SGCZ: variants seen among roughly 807,000 people sequenced by gnomAD.
The protein encoded by SGCZ is sarcoglycan zeta.
A neutral mutation model predicts 41.3 loss-of-function variants in SGCZ; 40 were observed. The ratio of observed to expected loss-of-function variants is 0.97; its 90% CI spans 0.75 to 1.26. SGCZ has a LOEUF of 1.26. Ranked by LOEUF, SGCZ falls within the 50% of genes most tolerant of loss-of-function variation. SGCZ has a pLI of 0.00. For missense variants in SGCZ, 552 were observed against 369.8 expected (o/e 1.49, Z -4.04); for synonymous variants, 206 against 137.5 (o/e 1.50, Z -3.49).
At chr8:14,172,668 T>C (rs1318788606) in intron 4 of SGCZ, among the ~76,000 whole-genome samples, 2 of 152,146 alleles carry the variant, frequency 1.3e-5, no homozygotes, top group African/African-American at 2.4e-5. Flanking sequence ...ATTCATTACA[T>C]CGTTTTCCTA....
chr8:14,090,234 T>A lies in SGCZ; in HGVS notation c.*209A>T, dbSNP rs1801644572. ...ATCCAGTTTTCCTGCTGACGACGCT[T>A]TTTCCACTGCTGTGTCAATCACACC... On this transcript the variant is annotated 3_prime_UTR_variant, in exon 8 of 8. Transcript: ENST00000382080. 1 of 426,854 alleles carries A rather than the reference T, an allele frequency of 2.3e-6. No individual in the cohort carries two copies. The highest frequency in any genetic ancestry group is 4.0e-6 in the Non-Finnish European group (1 of 247,228). The allele number at this position is 426,854 out of a possible 1,614,324, so 26.4% of individuals were successfully genotyped here. A position where few individuals can be genotyped will look rare whatever the true frequency, so the allele number is the denominator to read the frequency against.
At chr8:15,164,826 CG>C (rs1799609919) in intron 1 of SGCZ, among the ~76,000 whole-genome samples, 1 of 152,026 alleles carries the variant, frequency 6.6e-6, no homozygotes, top group Non-Finnish European at 1.5e-5. Context: ...TTACATCTTG[CG>C]GGTATGGCTG....
At chr8:14,661,348 G>A (rs1485648327) in intron 1 of SGCZ, among the ~76,000 whole-genome samples, 1 of 151,986 alleles carries the variant, frequency 6.6e-6, no homozygotes, top group African/African-American at 2.4e-5. Flanking sequence ...ACCATTGAAT[G>A]GCCTAGAAAA....
chr8:15,101,429 A>C (rs1438977306), intron 1 of SGCZ, among the ~76,000 whole-genome samples: 2 of 152,198 alleles, frequency 1.3e-5, no homozygotes. Context: ...AAATAGGCAA[A>C]AAACATGAAA....
intron 1 of SGCZ, among the ~76,000 whole-genome samples, chr8:15,005,095 G>T (rs890680467): frequency 6.6e-6 from 1 of 152,110 alleles, no homozygotes; most frequent in Non-Finnish European, 1.5e-5. Flanking sequence ...GGCTTCCTAA[G>T]GGAAAGGAAG....
At chr8:15,237,248 C>T (rs1389394334) in intron 1 of SGCZ, among the ~76,000 whole-genome samples, 1 of 112,958 alleles carries the variant, frequency 8.9e-6, no homozygotes, top group Non-Finnish European at 2.1e-5. Context: ...GAGCTGGTGC[C>T]GCTGCCCCCC....
intron 1 of SGCZ, among the ~76,000 whole-genome samples, chr8:14,933,504 T>A (rs1459952210): frequency 6.8e-6 from 1 of 147,638 alleles, no homozygotes; most frequent in Non-Finnish European, 1.5e-5. Flanking sequence ...CCATCTCTGC[T>A]CACTGCAAGC....
chr8:15,109,166 A>C (rs201356467), intron 1 of SGCZ, among the ~76,000 whole-genome samples: 150 of 152,318 alleles, frequency 9.8e-4, no homozygotes, highest in Non-Finnish European at 1.9e-3. Context: ...ATTTTTCTTG[A>C]TGATGATGGA....
At chr8:14,225,388 A>G (rs1806336836) in intron 4 of SGCZ, among the ~76,000 whole-genome samples, 1 of 152,146 alleles carries the variant, frequency 6.6e-6, no homozygotes, top group South Asian at 2.1e-4. Context: ...AATATGAAAT[A>G]TTAGTGTTGA....
intron 1 of SGCZ, among the ~76,000 whole-genome samples, chr8:15,165,057 C>T (rs1799620917): frequency 6.6e-6 from 1 of 151,948 alleles, no homozygotes; most frequent in African/African-American, 2.4e-5. Context: ...TTTGGGAGGC[C>T]CAGGTGGGCA....
intron 1 of SGCZ, among the ~76,000 whole-genome samples, chr8:14,909,240 T>G (rs1022155166): frequency 2.0e-5 from 3 of 152,218 alleles, no homozygotes; most frequent in African/African-American, 4.8e-5. Flanking sequence ...TCACCTGTCC[T>G]CAAATTATGA....
chr8:14,361,993 C>T (rs895778608), intron 2 of SGCZ, among the ~76,000 whole-genome samples: 15 of 152,160 alleles, frequency 9.9e-5, no homozygotes, highest in African/African-American at 3.4e-4. Context: ...ACCCTGCTTG[C>T]CTGGGTATCA....
intron 1 of SGCZ, among the ~76,000 whole-genome samples, chr8:15,213,425 T>A (rs1029103618): frequency 1.3e-5 from 2 of 151,632 alleles, no homozygotes; most frequent in Non-Finnish European, 3.0e-5. Context: ...ATGTGAAACA[T>A]TAAAAAGCCA....
At chr8:15,100,156 T>G (rs1375173279) in intron 1 of SGCZ, among the ~76,000 whole-genome samples, 1 of 152,028 alleles carries the variant, frequency 6.6e-6, no homozygotes, top group Non-Finnish European at 1.5e-5. Context: ...AAGAAAGAAA[T>G]AAGACCCTTG....
At chr8:14,525,586 A>G (rs992874139) in intron 2 of SGCZ, among the ~76,000 whole-genome samples, 1 of 152,136 alleles carries the variant, frequency 6.6e-6, no homozygotes, top group African/African-American at 2.4e-5. Context: ...TGCAATTTCA[A>G]TTTAGTTGCA....
At chr8:14,996,022 G>A (rs1044068689) in intron 1 of SGCZ, among the ~76,000 whole-genome samples, 2 of 151,948 alleles carry the variant, frequency 1.3e-5, no homozygotes, top group Non-Finnish European at 2.9e-5. Flanking sequence ...TCCTGCCTCA[G>A]CCTCCCGAGT....
At chr8:14,218,304 G>C (rs1806071154) in intron 4 of SGCZ, among the ~76,000 whole-genome samples, 1 of 152,074 alleles carries the variant, frequency 6.6e-6, no homozygotes, top group Non-Finnish European at 1.5e-5. Flanking sequence ...ATTAGAAAAT[G>C]AAATGTTAAA....
At chr8:14,886,552 G>T (rs144559846) in intron 1 of SGCZ, among the ~76,000 whole-genome samples, 9 of 152,166 alleles carry the variant, frequency 5.9e-5, no homozygotes, top group South Asian at 2.1e-4. Context: ...GTGGCTGGGG[G>T]AGGGAAGAAG....
chr8:14,156,256 G>A (rs919617598), intron 5 of SGCZ, among the ~76,000 whole-genome samples: 1 of 152,074 alleles, frequency 6.6e-6, no homozygotes, highest in Non-Finnish European at 1.5e-5. Flanking sequence ...TCAGGAGATG[G>A]AGACCATCCT....
Sources: gnomAD v4.1 joint callset for allele counts (sites outside exome capture counted in the v4.1 genomes callset) on GRCh38, gnomAD v4.1.1 for gene constraint, MANE v1.5 for transcripts, NCBI Gene and HGNC (gene_info 2026-07-23, HGNC 2026-07-21) for gene names.